DGAT2L6: variants seen among roughly 807,000 people sequenced by gnomAD.
DGAT2L6 encodes the protein diacylglycerol O-acyltransferase 2-like protein 6.
DGAT2L6 carries 22 observed loss-of-function variants against 25.5 expected under a neutral mutation model. That is an observed-to-expected ratio of 0.86 (90% CI 0.62 to 1.23). The LOEUF (loss-of-function observed/expected upper bound fraction) is 1.23. Among genes scored for constraint, DGAT2L6 ranks in the 50% most tolerant of loss-of-function variants. The probability of loss-of-function intolerance (pLI) is 0.00; values close to 1 mark genes in which losing one functional copy is unlikely to be tolerated. For synonymous variants in DGAT2L6, 100 were observed against 94.7 expected (o/e 1.06, Z -0.32); for missense variants, 287 against 253.2 (o/e 1.13, Z -0.91).
intron 1 of DGAT2L6, 118 bp from the exon 2 acceptor site, chrX:70,199,153 G>T: frequency 2.2e-6 from 1 of 449,618 alleles, no homozygotes; most frequent in Non-Finnish European, 3.8e-6. Context: ...GAGAAGGAGA[G>T]AAGAGTCCCA....
chrX:70,179,670 C>T (rs2147600642), intron 1 of DGAT2L6, among the ~76,000 whole-genome samples: 1 of 103,914 alleles, frequency 9.6e-6, no homozygotes, highest in Non-Finnish European at 1.9e-5. Context: ...CGAGTTCAAG[C>T]GATTCTCCTG....
chrX:70,200,170 C>T, intron 3 of DGAT2L6, 85 bp from the exon 4 acceptor site: 3 of 963,062 alleles, frequency 3.1e-6, no homozygotes, highest in Non-Finnish European at 4.4e-6. Context: ...CAGAGGGAAA[C>T]ATAGGCTACC....
At chrX:70,185,211 C>T in intron 1 of DGAT2L6, among the ~76,000 whole-genome samples, 1 of 111,412 alleles carries the variant, frequency 9.0e-6, no homozygotes, top group African/African-American at 3.3e-5. Context: ...CTCCCATCTC[C>T]TGGACTTTGT....
At chrX:70,178,774 A>G (rs1404831496) in intron 1 of DGAT2L6, among the ~76,000 whole-genome samples, 1 of 112,257 alleles carries the variant, frequency 8.9e-6, no homozygotes, top group African/African-American at 3.2e-5. Flanking sequence ...ACTAACCTCT[A>G]ACTGAAATGT....
Position 70,204,309 on chromosome X carries a change from T to C in DGAT2L6, c.652T>C (p.Tyr218His), listed in dbSNP as rs780650389. The C allele has an allele frequency of 6.7e-6, 8 of 1,201,624 alleles. No homozygotes were observed. Among genetic ancestry groups the C allele is most frequent in the Admixed American group, 4.5e-5 (2 of 44,856 alleles). ...CTCCTGCCCCTCTCTTTGCAGGGCATACCTTGTCCCTTCATATTCCTTTGG... is the reference window on the plus strand; with the variant it reads ...CTCCTGCCCCTCTCTTTGCAGGGCACACCTTGTCCCTTCATATTCCTTTGG... ...FVKMALQTGA[Y>H]LVPSYSFGEN... Residue 218 changes from tyrosine (Y) to histidine (H), a missense_variant, in exon 6 of 7, where the codon TAC becomes CAC. Tyr to His is a moderately conservative substitution (Grantham distance 83, BLOSUM62 2). Transcript: ENST00000333026.
chrX:70,183,769 G>A (rs2085351035), intron 1 of DGAT2L6, among the ~76,000 whole-genome samples: 1 of 111,007 alleles, frequency 9.0e-6, no homozygotes, highest in East Asian at 2.8e-4. Flanking sequence ...AGTGGCTCAT[G>A]CCTGTAATCC....
chrX:70,191,503 G>T (rs1291450102), intron 1 of DGAT2L6, among the ~76,000 whole-genome samples: 2 of 110,697 alleles, frequency 1.8e-5, no homozygotes, highest in African/African-American at 6.6e-5. Context: ...AATGAGTGAA[G>T]AAAGCATAAG....
chrX:70,203,637 G>A (rs1447408343), intron 5 of DGAT2L6, among the ~76,000 whole-genome samples: 1 of 111,219 alleles, frequency 9.0e-6, no homozygotes, highest in Non-Finnish European at 1.9e-5. Context: ...AGGCAAGTAA[G>A]GAGATGACTA....
intron 1 of DGAT2L6, among the ~76,000 whole-genome samples, chrX:70,183,628 T>C (rs1391346072): frequency 8.9e-6 from 1 of 112,083 alleles, no homozygotes; most frequent in Non-Finnish European, 1.9e-5. Context: ...TCCAGATTTC[T>C]TCTTCCTCAG....
chrX:70,186,877 C>G (rs757958004), intron 1 of DGAT2L6, among the ~76,000 whole-genome samples: 1 of 112,173 alleles, frequency 8.9e-6, no homozygotes, highest in Non-Finnish European at 1.9e-5. Context: ...AGAGATGAGG[C>G]TAGGAAGACA....
Position 70,182,910 on chromosome X carries a change from C to T in DGAT2L6, c.85+5243C>T, listed in dbSNP as rs1300968474. On this transcript the variant is annotated intron_variant, in intron 1 of 6. Coordinates refer to ENST00000333026, the MANE Select transcript of DGAT2L6 (RefSeq NM_198512.3). ...TGACCTTGTGATCCGCCTGCCTCGG[C>T]CTCCCAAAGTGCTGGGATTACAGGC... Among the ~76,000 whole-genome samples, 9 of 112,016 alleles carry T rather than the reference C, an allele frequency of 8.0e-5. No individual in the cohort carries two copies. The Admixed American group carries it at 8.5e-4, about 11-fold the overall frequency.
chrX:70,178,874 C>T (rs1027007004), intron 1 of DGAT2L6, among the ~76,000 whole-genome samples: 1 of 112,372 alleles, frequency 8.9e-6, no homozygotes, highest in Admixed American at 9.4e-5. Context: ...CAGAGATTTG[C>T]ATTTCATATT....
intron 1 of DGAT2L6, among the ~76,000 whole-genome samples, chrX:70,189,648 A>G (rs765257655): frequency 3.2e-4 from 36 of 112,005 alleles, no homozygotes; most frequent in Non-Finnish European, 6.6e-4. Context: ...AAATTTGGTA[A>G]TAGCATTGTG....
chrX:70,196,765 TTATA>T (rs1329915830), intron 1 of DGAT2L6, among the ~76,000 whole-genome samples: 18 of 110,791 alleles, frequency 1.6e-4, no homozygotes, highest in Non-Finnish European at 1.7e-4. Flanking sequence ...ACAAAAAAAC[TTATA>T]TCCAAAATGC....
chrX:70,199,979 G>A (rs1044023375), intron 3 of DGAT2L6, 97 bp downstream of exon 3: 22 of 883,604 alleles, frequency 2.5e-5, no homozygotes, highest in African/African-American at 2.0e-4. Flanking sequence ...GGTCAGCAGC[G>A]AAGGTCAAGG....
intron 1 of DGAT2L6, among the ~76,000 whole-genome samples, chrX:70,183,400 T>C (rs1361634694): frequency 8.9e-6 from 1 of 112,414 alleles, no homozygotes; most frequent in Non-Finnish European, 1.9e-5. Flanking sequence ...CAGCGCCTCC[T>C]TTTAGATATT....
chrX:70,197,331 T>A (rs1253536730), intron 1 of DGAT2L6, among the ~76,000 whole-genome samples: 3 of 111,814 alleles, frequency 2.7e-5, no homozygotes, highest in Non-Finnish European at 5.6e-5. Context: ...ACGACACTGA[T>A]GACACTCGGG....
chrX:70,188,078 A>C (rs564433163), intron 1 of DGAT2L6, among the ~76,000 whole-genome samples: 1 of 112,146 alleles, frequency 8.9e-6, no homozygotes, highest in African/African-American at 3.2e-5. Flanking sequence ...TGTACAATAG[A>C]TATTGGCTAT....
intron 1 of DGAT2L6, among the ~76,000 whole-genome samples, chrX:70,194,924 A>C (rs1282345008): frequency 8.9e-6 from 1 of 111,968 alleles, no homozygotes; most frequent in Non-Finnish European, 1.9e-5. Flanking sequence ...CTGCCTAGCC[A>C]AGGAAACAAT....
Sources: gnomAD v4.1 joint callset for allele counts (sites outside exome capture counted in the v4.1 genomes callset) on GRCh38, gnomAD v4.1.1 for gene constraint, MANE v1.5 for transcripts, NCBI Gene and HGNC (gene_info 2026-07-23, HGNC 2026-07-21) for gene names.